PSG1: variants seen among roughly 807,000 people sequenced by gnomAD.
PSG1 encodes the protein pregnancy-specific beta-1-glycoprotein 1.
PSG1 carries 60 observed loss-of-function variants against 41.4 expected under a neutral mutation model. The observed-to-expected ratio is 1.45, with a 90% confidence interval of 1.18 to 1.80. The LOEUF (loss-of-function observed/expected upper bound fraction) is 1.80. Ranked by LOEUF, PSG1 falls within the 40% of genes most tolerant of loss-of-function variation. PSG1 has a pLI of 0.00. For missense variants in PSG1, 806 were observed against 516.9 expected (o/e 1.56, Z -5.42); for synonymous variants, 256 against 192.9 (o/e 1.33, Z -2.71).
intron 1 of PSG1, 31 bp downstream of exon 1, chr19:42,879,487 C>A: frequency 6.2e-7 from 1 of 1,606,364 alleles, no homozygotes; most frequent in Non-Finnish European, 8.5e-7. Context: ...GCTTCCTCCT[C>A]CTGTCCTCTC....
In PSG1 at chr19:42,877,897, A is replaced by G; in HGVS notation, c.430+16T>C. 1 of 1,611,984 alleles carries G rather than the reference A, an allele frequency of 6.2e-7. No individual in the cohort carries two copies. The highest frequency in any genetic ancestry group is 1.7e-5 in the Admixed American group (1 of 59,894). On this transcript the variant is annotated intron_variant, in intron 2 of 5. Transcript: ENST00000436291. Reference sequence around the variant, plus strand: ...CCCTGTCCCCCAACACCCAGGGATCATGTGGAATCACTTACGGTGTAAGGT... The same window carrying G: ...CCCTGTCCCCCAACACCCAGGGATCGTGTGGAATCACTTACGGTGTAAGGT...
At chr19:42,877,343 C>T (rs1971650978) in intron 2 of PSG1, among the ~76,000 whole-genome samples, 1 of 151,644 alleles carries the variant, frequency 6.6e-6, no homozygotes, top group Non-Finnish European at 1.5e-5. Context: ...AAAGCTCTGT[C>T]CTGGCCCAGA....
intron 2 of PSG1, among the ~76,000 whole-genome samples, chr19:42,872,989 C>G (rs28531714): frequency 0.021 from 3,255 of 151,734 alleles, 154 homozygotes; most frequent in African/African-American, 0.075. Context: ...ATTAGACATT[C>G]TACTCTCTGA....
chr19:42,875,789 C>T (rs563783848), intron 2 of PSG1, among the ~76,000 whole-genome samples: 6 of 150,858 alleles, frequency 4.0e-5, no homozygotes, highest in South Asian at 4.2e-4. Context: ...TACTGCAAAC[C>T]GCCATTTCAA....
At chr19:42,874,183 T>G (rs1971509810) in intron 2 of PSG1, 1 of 151,648 alleles carries the variant, frequency 6.6e-6, no homozygotes, top group African/African-American at 2.4e-5. Flanking sequence ...AACAAAATAT[T>G]AAATATGAAG....
Position 42,866,579 on chromosome 19 carries a change from T to G in PSG1, c.*555A>C, listed in dbSNP as rs536770155. On this transcript the variant is annotated 3_prime_UTR_variant, in exon 6 of 6. Transcript: ENST00000436291. ...CACAATGTGGATTTAAAGGGGACTC[T>G]ATTATAATTTCAGCTTTCCTACGTC... The G allele has an allele frequency of 6.4e-5, 13 of 201,998 alleles. No homozygotes were observed. In the South Asian group the frequency reaches 1.4e-3, roughly 22 times the overall value. The allele number at this position is 201,998 out of a possible 1,614,324, so 12.5% of individuals were successfully genotyped here. A position where few individuals can be genotyped will look rare whatever the true frequency, so the allele number is the denominator to read the frequency against.
At chr19:42,877,853 T>C (rs1971675426) in intron 2 of PSG1, 60 bp downstream of exon 2, 12 of 1,610,234 alleles carry the variant, frequency 7.5e-6, no homozygotes, top group Non-Finnish European at 3.4e-6. Flanking sequence ...CAATCCTGTG[T>C]GTGTGAAGTA....
intron 2 of PSG1, among the ~76,000 whole-genome samples, chr19:42,876,387 A>C (rs906175933): frequency 6.6e-6 from 1 of 151,318 alleles, no homozygotes; most frequent in African/African-American, 2.4e-5. Flanking sequence ...GGGTGGCTTT[A>C]GGGGCAAGAG....
intron 2 of PSG1, among the ~76,000 whole-genome samples, chr19:42,875,720 A>C (rs1971574588): frequency 6.6e-6 from 1 of 151,608 alleles, no homozygotes; most frequent in African/African-American, 2.4e-5. Flanking sequence ...GGCTGATTTG[A>C]GTAATAATAA....
chr19:42,871,552 C>A lies in PSG1; in HGVS notation c.709+215G>T, dbSNP rs542796766. Among the ~76,000 whole-genome samples the A allele has an allele frequency of 5.3e-5, 8 of 151,750 alleles. No individual in the cohort carries two copies. The South Asian group carries it at 1.1e-3, about 20-fold the overall frequency. On this transcript the variant is annotated intron_variant, in intron 3 of 5. Coordinates refer to ENST00000436291, the MANE Select transcript of PSG1 (RefSeq NM_001184825.2). ...TGTTTCTCCCATCACAAGCTGTGGA[C>A]CCTGAGTCTCCCATGACAGGAGCAG...
In PSG1 at chr19:42,868,957, C is replaced by G. The variant is rs762223523; in HGVS notation, c.787G>C (p.Glu263Gln). The change falls in exon 4 of 6, where the codon GAA (glutamate) becomes CAA (glutamine). Residue 263 changes from glutamate (E) to glutamine (Q), a missense_variant. Coordinates refer to ENST00000436291, the MANE Select transcript of PSG1 (RefSeq NM_001184825.2). Reference sequence around the variant, plus strand: ...TAGGTGTAGTTCTCACTCTTAGGTTCACAGGTGAAGTTTAAGACATCCTTA... The same window carrying G: ...TAGGTGTAGTTCTCACTCTTAGGTTGACAGGTGAAGTTTAAGACATCCTTA... ...ENKDVLNFTC[E>Q]PKSENYTYIW... 5 of 1,610,442 alleles carry G rather than the reference C, an allele frequency of 3.1e-6. No homozygotes were observed. The South Asian group carries it at 5.5e-5, about 18-fold the overall frequency.
At chr19:42,878,910 G>C (rs1399949648) in intron 1 of PSG1, among the ~76,000 whole-genome samples, 1 of 151,478 alleles carries the variant, frequency 6.6e-6, no homozygotes, top group Admixed American at 6.6e-5. Context: ...GAGGTTTCTT[G>C]CTGAGGACAG....
Position 42,878,158 on chromosome 19 carries a change from A to C in PSG1, c.185T>G (p.Leu62Arg). The change falls in exon 2 of 6, where the codon CTT becomes CGT. Residue 62 changes from leucine to arginine, a missense_variant. Transcript: ENST00000436291. ...LLLVHNLPQN[L>R]TGYIWYKGQM... Reference sequence around the variant, plus strand: ...CCCTTTGTACCAGATGTAGCCGGTAAGATTCTGGGGCAAATTGTGGACAAG... The same window carrying C: ...CCCTTTGTACCAGATGTAGCCGGTACGATTCTGGGGCAAATTGTGGACAAG... 1 of 1,612,260 alleles carries C rather than the reference A, an allele frequency of 6.2e-7. No homozygotes were observed. Among genetic ancestry groups the C allele is most frequent in the South Asian group, 1.1e-5 (1 of 90,802 alleles).
At chr19:42,878,395 A>T in intron 1 of PSG1, 117 bp from the exon 2 acceptor site, 1 of 1,382,420 alleles carries the variant, frequency 7.2e-7, no homozygotes, top group Non-Finnish European at 9.7e-7. Context: ...ACAGACACAC[A>T]CACACATACA....
At chr19:42,872,693 C>T (rs1472818467) in intron 2 of PSG1, among the ~76,000 whole-genome samples, 1 of 151,560 alleles carries the variant, frequency 6.6e-6, no homozygotes, top group Non-Finnish European at 1.5e-5. Flanking sequence ...AGAGCAGAGT[C>T]CAAGGAATGA....
At chr19:42,870,630 C>G (rs1028681744) in intron 3 of PSG1, 12 of 151,578 alleles carry the variant, frequency 7.9e-5, no homozygotes, top group African/African-American at 2.9e-4. Context: ...TTTTCTAATT[C>G]TGCAAAAAAT....
chr19:42,879,137 C>T (rs1411417260), intron 1 of PSG1, among the ~76,000 whole-genome samples: 1 of 147,776 alleles, frequency 6.8e-6, no homozygotes, highest in Non-Finnish European at 1.5e-5. Flanking sequence ...ACAGAGCCTT[C>T]TTTCCTTTTT....
rs887777613 is a variant in PSG1 at position 42,869,163 on chromosome 19, T to A, written c.710-129A>T. 7 of 1,519,836 alleles carry A rather than the reference T, an allele frequency of 4.6e-6. 1 individual carries two copies. The highest frequency in any genetic ancestry group is 6.2e-6 in the Non-Finnish European group (7 of 1,133,490). The allele number at this position is 1,519,836 out of a possible 1,614,324, so 94.1% of individuals were successfully genotyped here. On this transcript the variant is annotated intron_variant, in intron 3 of 5. Coordinates refer to ENST00000436291, the MANE Select transcript of PSG1 (RefSeq NM_001184825.2). ...GTCCTTGAAAGCCAATAGCTGGTGC[T>A]TTTGTCACAAGATAGATGCATGATG...
chr19:42,878,441 T>G, intron 1 of PSG1, 163 bp from the exon 2 acceptor site: 1 of 1,155,044 alleles, frequency 8.7e-7, no homozygotes, highest in Non-Finnish European at 1.2e-6. Flanking sequence ...AAGCGGCATG[T>G]GTGATTGTGT....
Sources: gnomAD v4.1 joint callset for allele counts (sites outside exome capture counted in the v4.1 genomes callset) on GRCh38, gnomAD v4.1.1 for gene constraint, MANE v1.5 for transcripts, NCBI Gene and HGNC (gene_info 2026-07-23, HGNC 2026-07-21) for gene names.